The following PARP2 variants were observed in gnomAD, a reference collection of about 807,000 sequenced individuals.
The protein encoded by PARP2 is poly [ADP-ribose] polymerase 2.
PARP2 carries 57 observed loss-of-function variants against 77.8 expected under a neutral mutation model. The observed-to-expected ratio is 0.73, with a 90% confidence interval of 0.59 to 0.91. The LOEUF is 0.91. PARP2 is among the 40% of genes least tolerant of loss of function. PARP2 has a pLI of 0.00. For missense variants in PARP2, 651 were observed against 689.0 expected (o/e 0.94, Z 0.62); for synonymous variants, 226 against 242.6 (o/e 0.93, Z 0.64).
Position 20,350,525 on chromosome 14 carries a change from G to A in PARP2, c.325-1G>A. On this transcript the variant is annotated splice_acceptor_variant, in intron 4 of 15. Coordinates refer to ENST00000429687, the MANE Select transcript of PARP2 (RefSeq NM_001042618.2). LOFTEE classifies it high-confidence loss of function. The stretch of plus-strand genomic sequence containing the variant: ...TTTGTTTTTGTTTTCACTCAACATA[G>A]ACCAATCTCCAGTTCAACAACAACA... The A allele has an allele frequency of 6.4e-7, 1 of 1,573,244 alleles. No homozygotes were observed. The highest frequency in any genetic ancestry group is 8.7e-7 in the Non-Finnish European group (1 of 1,143,976).
intron 1 of PARP2, 32 bp from the exon 2 acceptor site, chr14:20,344,900 A>T (rs760551997): frequency 8.7e-5 from 116 of 1,331,900 alleles, no homozygotes; most frequent in Non-Finnish European, 2.3e-5. Context: ...TCGGGTGTGT[A>T]CTCATTCTTT....
chr14:20,344,817 CAAAA>C, intron 1 of PARP2, 111 bp from the exon 2 acceptor site: 1 of 801,590 alleles, frequency 1.2e-6, no homozygotes, highest in Non-Finnish European at 2.0e-6. Flanking sequence ...CACCTCAAAA[CAAAA>C]AAAGAGAGAA....
intron 7 of PARP2, 62 bp downstream of exon 7, chr14:20,352,409 G>T (rs1883990388): frequency 1.9e-6 from 2 of 1,028,012 alleles, no homozygotes; most frequent in Admixed American, 1.9e-5. Flanking sequence ...TTTTTTAGAG[G>T]CAAAACTGTG....
Position 20,352,205 on chromosome 14 carries a change from CCT to C in PARP2, c.498-39_498-38del, listed in dbSNP as rs1883978666. Reference sequence around the variant, plus strand: ...CTTGTAAGTCCATCTTCATAGTAGACCTTTATTTGTAAAGTTTTCTTACACCT... The same window carrying C: ...CTTGTAAGTCCATCTTCATAGTAGACTTATTTGTAAAGTTTTCTTACACCT... On this transcript the variant is annotated intron_variant, in intron 6 of 15. Transcript: ENST00000429687. 9.2e-6 allele frequency: 10 copies of C among 1,082,866 alleles called. No homozygotes were observed. The East Asian group carries it at 2.1e-4, about 23-fold the overall frequency. 67.1% of individuals were successfully genotyped at this position (1,082,866 alleles called of 1,614,324 possible). A position where few individuals can be genotyped will look rare whatever the true frequency, so the allele number is the denominator to read the frequency against.
At position 20,354,192 on chromosome 14, in the gene PARP2, G is replaced by A. The variant is rs1594302243; in HGVS notation, c.708G>A (p.Gln236=). ...QELIKLICNV[Q]AMEEMMMEMK... is the part of the protein sequence containing the mutation. ...TAATAAAGTTGATCTGTAATGTTCA[G>A]GCCATGGAAGAAATGATGATGGAAA... Residue 236 remains glutamine (Q), a synonymous_variant, in exon 8 of 16, where the codon CAG becomes CAA. Coordinates refer to ENST00000429687, the MANE Select transcript of PARP2 (RefSeq NM_001042618.2). 3 of 1,613,704 alleles carry A rather than the reference G, an allele frequency of 1.9e-6. No homozygotes were observed. The highest frequency in any genetic ancestry group is 3.3e-4 in the Middle Eastern group (2 of 6,058).
At chr14:20,347,354 GTGTATATATATATATA>G (rs1883772722) in intron 4 of PARP2, among the ~76,000 whole-genome samples, 1 of 43,952 alleles carries the variant, frequency 2.3e-5, no homozygotes, top group African/African-American at 1.8e-4. Flanking sequence ...ATATGTGTGT[GTGTATATATATATATA>G]TATATATATA....
At chr14:20,350,874 CAT>C (rs1305238661) in intron 5 of PARP2, 171 bp from the exon 6 acceptor site, 1 of 623,452 alleles carries the variant, frequency 1.6e-6, no homozygotes. Flanking sequence ...TAGTAGTGCT[CAT>C]AGACTATGGC....
rs543497535 is a variant in PARP2 at position 20,347,940 on chromosome 14, C to A, written c.324+1027C>A. ...CAGGCTGGAGTGCAGTTTGTACAGT[C>A]ATAGCCCACTGCAACCTTGAACTTC... On this transcript the variant is annotated intron_variant, in intron 4 of 15. Coordinates refer to ENST00000429687, the MANE Select transcript of PARP2 (RefSeq NM_001042618.2). Among the ~76,000 whole-genome samples, 3 of 151,008 alleles carry A rather than the reference C, an allele frequency of 2.0e-5. No homozygotes were observed. In the South Asian group the frequency reaches 6.2e-4, roughly 31 times the overall value.
chr14:20,355,185 G>A (rs1884100206), intron 9 of PARP2: 3 of 415,522 alleles, frequency 7.2e-6, no homozygotes, highest in Non-Finnish European at 1.3e-5. Context: ...CAACCCAAGA[G>A]AGAATGGGTC....
At chr14:20,355,519 T>G (rs1418129956) in intron 9 of PARP2, 2 of 333,114 alleles carry the variant, frequency 6.0e-6, no homozygotes, top group Non-Finnish European at 1.1e-5. Context: ...TAATTTTAAC[T>G]CTAGTCTCAA....
At chr14:20,348,983 T>C (rs1760923) in intron 4 of PARP2, among the ~76,000 whole-genome samples, 69,930 of 151,128 alleles carry the variant, frequency 0.46, 17,931 homozygotes, top group African/African-American at 0.7. Context: ...CGTACCATTG[T>C]ACTCCAGCCC....
intron 3 of PARP2, 144 bp from the exon 4 acceptor site, chr14:20,346,719 A>C: frequency 1.6e-6 from 1 of 628,242 alleles, no homozygotes; most frequent in Non-Finnish European, 2.9e-6. Flanking sequence ...GGTAGAACAT[A>C]GGTTTGCAAT....
chr14:20,353,407 A>AT (rs979559535), intron 7 of PARP2, among the ~76,000 whole-genome samples: 3 of 150,106 alleles, frequency 2.0e-5, no homozygotes, highest in African/African-American at 2.5e-5. Context: ...CGCCCGGCTA[A>AT]TTTTTTTTTG....
At position 20,356,575 on chromosome 14, in the gene PARP2, T is replaced by G; in HGVS notation, c.1230-15T>G. 6.2e-7 allele frequency: 1 copy of G among 1,611,306 alleles called. No individual in the cohort carries two copies. The highest frequency in any genetic ancestry group is 8.5e-7 in the Non-Finnish European group (1 of 1,177,424). On this transcript the variant is annotated splice_polypyrimidine_tract_variant and intron_variant, in intron 12 of 15. Coordinates refer to ENST00000429687, the MANE Select transcript of PARP2 (RefSeq NM_001042618.2). ...TGCAGAACAACAGAGTACAATAATA[T>G]TGGCTTTTCCTTAGGATGCTTCTAT...
chr14:20,344,509 C>T (rs1487761781), intron 1 of PARP2: 1 of 160,478 alleles, frequency 6.2e-6, no homozygotes, highest in Non-Finnish European at 1.4e-5. Flanking sequence ...GTTATTGCCT[C>T]TGTAAACTTA....
intron 5 of PARP2, 60 bp downstream of exon 5, chr14:20,350,682 G>C: frequency 1.9e-6 from 2 of 1,065,744 alleles, no homozygotes; most frequent in Non-Finnish European, 2.9e-6. Context: ...GCAGCTTAGT[G>C]GGTGGCCAAA....
chr14:20,348,427 C>G (rs571202723), intron 4 of PARP2, among the ~76,000 whole-genome samples: 1 of 148,628 alleles, frequency 6.7e-6, no homozygotes, highest in African/African-American at 2.5e-5. Context: ...GAGACAGTGT[C>G]TTGCTATGTT....
At chr14:20,354,393 G>A in intron 8 of PARP2, 146 bp downstream of exon 8, 1 of 702,912 alleles carries the variant, frequency 1.4e-6, no homozygotes, top group Non-Finnish European at 2.4e-6. Context: ...ATGGAGGGAA[G>A]AGGAACTATT....
chr14:20,343,810 G>T lies in PARP2; in HGVS notation c.46+123G>T. 9.8e-6 allele frequency: 10 copies of T among 1,021,632 alleles called. No individual in the cohort carries two copies. In the South Asian group the frequency reaches 1.5e-4, roughly 15 times the overall value. 63.3% of individuals were successfully genotyped at this position (1,021,632 alleles called of 1,614,324 possible). On this transcript the variant is annotated intron_variant, in intron 1 of 15. Transcript: ENST00000429687. ...TAACCTGCACTTGGCTACCAAACCAGTTGGGGTGCTAAATTTTGTAAATTT... is the reference window on the plus strand; with the variant it reads ...TAACCTGCACTTGGCTACCAAACCATTTGGGGTGCTAAATTTTGTAAATTT...
Sources: gnomAD v4.1 joint callset for allele counts (sites outside exome capture counted in the v4.1 genomes callset) on GRCh38, gnomAD v4.1.1 for gene constraint, MANE v1.5 for transcripts, NCBI Gene and HGNC (gene_info 2026-07-23, HGNC 2026-07-21) for gene names.